Variants in JAK2 observed in about 807,000 individuals in gnomAD.
JAK2 encodes the protein tyrosine-protein kinase JAK2.
In JAK2, 86 loss-of-function variants were observed where a neutral mutation model predicts 139.3. That is an observed-to-expected ratio of 0.62 (90% confidence interval 0.52 to 0.74). The LOEUF (loss-of-function observed/expected upper bound fraction) is 0.74. JAK2 is among the 30% of genes least tolerant of loss of function. The pLI is 0.00. For synonymous variants in JAK2, 490 were observed against 437.7 expected, an observed-to-expected ratio of 1.12 and a Z score of -1.49; for missense variants, 1,421 against 1,360.3, an observed-to-expected ratio of 1.04 and a Z score of -0.70.
intron 22 of JAK2, among the ~76,000 whole-genome samples, chr9:5,116,163 G>GT (rs1187663990): frequency 6.6e-6 from 1 of 152,112 alleles, no homozygotes; most frequent in Non-Finnish European, 1.5e-5. Flanking sequence ...TGGAGAACAT[G>GT]TATGATTATT....
At chr9:4,996,173 A>G (rs1820547480) in intron 2 of JAK2, among the ~76,000 whole-genome samples, 1 of 152,216 alleles carries the variant, frequency 6.6e-6, no homozygotes, top group Admixed American at 6.5e-5. Flanking sequence ...TTATTATTTT[A>G]GAGGGTCAAA....
At position 5,066,751 on chromosome 9, in the gene JAK2, A is replaced by C; in HGVS notation, c.1288A>C (p.Lys430Gln). 6.3e-7 allele frequency: 1 copy of C among 1,578,652 alleles called. No individual in the cohort carries two copies. The highest frequency in any genetic ancestry group is 8.6e-7 in the Non-Finnish European group (1 of 1,165,044). The change falls in exon 10 of 25, where the codon AAG becomes CAG. Residue 430 changes from lysine (K) to glutamine (Q), a missense_variant. By Grantham distance (53) the Lys-to-Gln change is moderately conservative. Transcript: ENST00000381652. ...TGLYVLRCSP[K>Q]DFNKYFLTFA... ...ACTGTATGTACTTCGATGCAGTCCT[A>C]AGGACTTTAATAAATATTTTTTGAC... is the stretch of plus-strand genomic sequence containing the variant.
intron 10 of JAK2, among the ~76,000 whole-genome samples, chr9:5,068,469 G>C (rs1340482148): frequency 6.6e-6 from 1 of 152,206 alleles, no homozygotes; most frequent in African/African-American, 2.4e-5. Context: ...GGACCTCTTA[G>C]AAACAGTGGT....
At chr9:5,023,894 A>AT (rs1051971875) in intron 3 of JAK2, among the ~76,000 whole-genome samples, 40 of 152,052 alleles carry the variant, frequency 2.6e-4, no homozygotes, top group African/African-American at 9.6e-4. Context: ...AGCTTGTAAG[A>AT]TTTTTTTAGC....
chr9:5,092,776 G>A (rs1055770398), intron 22 of JAK2, among the ~76,000 whole-genome samples: 1 of 152,142 alleles, frequency 6.6e-6, no homozygotes, highest in Non-Finnish European at 1.5e-5. Context: ...CATGAGTAGT[G>A]GTGATAAGCC....
At chr9:4,996,408 A>T (rs1353780027) in intron 2 of JAK2, among the ~76,000 whole-genome samples, 2 of 152,166 alleles carry the variant, frequency 1.3e-5, no homozygotes, top group African/African-American at 4.8e-5. Flanking sequence ...AGATCGTGCC[A>T]TTGCACTCTA....
intron 8 of JAK2, among the ~76,000 whole-genome samples, chr9:5,063,382 G>A (rs1818326392): frequency 6.6e-6 from 1 of 152,052 alleles, no homozygotes; most frequent in African/African-American, 2.4e-5. Flanking sequence ...GTACCTCTTC[G>A]ATCACAGCAT....
chr9:5,019,285 C>A (rs998674008), intron 2 of JAK2, among the ~76,000 whole-genome samples: 15 of 152,040 alleles, frequency 9.9e-5, no homozygotes, highest in Admixed American at 2.0e-4. Context: ...TTTCAGAAGA[C>A]CTGTCTTCAA....
intron 14 of JAK2, 69 bp downstream of exon 14, chr9:5,073,854 G>A: frequency 1.9e-6 from 2 of 1,036,188 alleles, no homozygotes; most frequent in Non-Finnish European, 2.9e-6. Context: ...AGAAAATTCA[G>A]TTTCAGGATC....
At chr9:4,993,750 G>T (rs942905667) in intron 2 of JAK2, among the ~76,000 whole-genome samples, 3 of 152,126 alleles carry the variant, frequency 2.0e-5, no homozygotes, top group Admixed American at 6.5e-5. Context: ...TGGCTATATA[G>T]CAGGTCCTTG....
chr9:5,093,205 C>T (rs1820719524), intron 22 of JAK2, among the ~76,000 whole-genome samples: 1 of 152,148 alleles, frequency 6.6e-6, no homozygotes, highest in Non-Finnish European at 1.5e-5. Flanking sequence ...ATTATTTATA[C>T]TGTTAATCCA....
chr9:5,058,849 A>G (rs1231736448), intron 8 of JAK2, among the ~76,000 whole-genome samples: 2 of 151,818 alleles, frequency 1.3e-5, no homozygotes, highest in African/African-American at 2.4e-5. Context: ...TTGAAGAAAT[A>G]TATATTCAAG....
chr9:5,024,234 C>T (rs994710533), intron 3 of JAK2, among the ~76,000 whole-genome samples: 9 of 151,926 alleles, frequency 5.9e-5, no homozygotes, highest in Non-Finnish European at 8.8e-5. Context: ...CCAGCCTGGG[C>T]GACAGAGCGA....
chr9:5,098,594 A>G (rs1351465125), intron 22 of JAK2: 2 of 152,210 alleles, frequency 1.3e-5, no homozygotes, highest in Non-Finnish European at 2.9e-5. Context: ...ATTCTGTATA[A>G]AACAGATGAA....
chr9:5,053,154 G>C lies in JAK2; in HGVS notation c.615-1409G>C, dbSNP rs1271580384. The stretch of plus-strand genomic sequence containing the variant: ...ACTCTTTCCGCACTTGTTTCTGTCT[G>C]TATTTTATCCATCCTAGTGGGTGGA... On this transcript the variant is annotated intron_variant, in intron 6 of 24. Transcript: ENST00000381652. Among the ~76,000 whole-genome samples, 3 of 152,138 alleles carry C rather than the reference G, an allele frequency of 2.0e-5. No individual in the cohort carries two copies. The East Asian group carries it at 5.8e-4, about 29-fold the overall frequency.
At chr9:5,041,141 C>T in intron 4 of JAK2, 5 of 1,053,118 alleles carry the variant, frequency 4.7e-6, no homozygotes, top group South Asian at 2.7e-5. Context: ...GATCGCCATC[C>T]GGCTGATCAC....
At chr9:5,034,886 C>G (rs1028262980) in intron 4 of JAK2, among the ~76,000 whole-genome samples, 2 of 151,752 alleles carry the variant, frequency 1.3e-5, no homozygotes, top group Admixed American at 6.6e-5. Context: ...TAACTGAGAT[C>G]AGAGCAGAAC....
rs191946922 is a variant in JAK2, at chr9:5,116,188, C to A, written c.3060-6816C>A. 4.5e-4 allele frequency among the ~76,000 whole-genome samples: 69 copies of A among 152,234 alleles called. 2 individuals carry two copies. The highest frequency in any genetic ancestry group is 3.3e-3 in the Admixed American group (51 of 15,294). On this transcript the variant is annotated intron_variant, in intron 22 of 24. Transcript: ENST00000381652. ...GTATGATTATTATCTCTATTTTAAG[C>A]ATGGAGAACTGAATAGCTTACCCAA...
rs563310362 is a variant in JAK2 at position 5,003,170 on chromosome 9, G to C, written c.-26+17148G>C. ...TGATGTCTGATAATATAAATCTTTA[G>C]TTTGCTCTTCAAGATTGTTTTGGCT... is the stretch of plus-strand genomic sequence containing the variant. On this transcript the variant is annotated intron_variant, in intron 2 of 24. Transcript: ENST00000381652. Among the ~76,000 whole-genome samples, 4 of 151,888 alleles carry C rather than the reference G, an allele frequency of 2.6e-5. No homozygotes were observed. In the South Asian group the frequency reaches 8.3e-4, roughly 31 times the overall value.
Sources: gnomAD v4.1 joint callset for allele counts (sites outside exome capture counted in the v4.1 genomes callset) on GRCh38, gnomAD v4.1.1 for gene constraint, MANE v1.5 for transcripts, NCBI Gene and HGNC (gene_info 2026-07-23, HGNC 2026-07-21) for gene names.